SUPT3H: variants seen among roughly 807,000 people sequenced by gnomAD.
SUPT3H encodes the protein SPT3 homolog, SAGA and STAGA complex component.
In SUPT3H, 44 loss-of-function variants were observed where a neutral mutation model predicts 44.3. The observed-to-expected ratio is 0.99, with a 90% confidence interval of 0.78 to 1.28. The LOEUF (loss-of-function observed/expected upper bound fraction) is 1.28. SUPT3H is among the 50% of genes most tolerant of loss of function. SUPT3H has a pLI of 0.00. For synonymous variants in SUPT3H, 124 were observed against 125.6 expected (o/e 0.99, Z 0.09); for missense variants, 380 against 387.1 (o/e 0.98, Z 0.15).
chr6:45,265,592 T>C (rs1335833028), intron 2 of SUPT3H, among the ~76,000 whole-genome samples: 1 of 152,108 alleles, frequency 6.6e-6, no homozygotes, highest in Non-Finnish European at 1.5e-5. Flanking sequence ...TACATTAAGG[T>C]TAAAATCTAG....
intron 3 of SUPT3H, among the ~76,000 whole-genome samples, chr6:45,058,075 G>A (rs1791415072): frequency 6.6e-6 from 1 of 151,968 alleles, no homozygotes; most frequent in African/African-American, 2.4e-5. Flanking sequence ...GAAAATTATG[G>A]GGTGCTTATT....
intron 3 of SUPT3H, among the ~76,000 whole-genome samples, chr6:45,021,506 T>C (rs1350543925): frequency 2.0e-5 from 3 of 151,892 alleles, no homozygotes; most frequent in South Asian, 2.1e-4. Context: ...ACTATAAAAA[T>C]GTGTCTGTAA....
chr6:44,908,857 A>G (rs1766545264), intron 10 of SUPT3H, among the ~76,000 whole-genome samples: 1 of 152,198 alleles, frequency 6.6e-6, no homozygotes, highest in Admixed American at 6.5e-5. Context: ...ACTCTGAGCT[A>G]ATATTGTCTC....
chr6:45,262,351 A>AGAG (rs530114278), intron 2 of SUPT3H, among the ~76,000 whole-genome samples: 280 of 152,260 alleles, frequency 1.8e-3, no homozygotes, highest in South Asian at 0.013. Context: ...ACCCAGAAAT[A>AGAG]AACCCAAGCA....
intron 4 of SUPT3H, among the ~76,000 whole-genome samples, chr6:45,017,637 T>C (rs1583076524): frequency 1.3e-5 from 2 of 151,228 alleles, no homozygotes; most frequent in Admixed American, 6.6e-5. Flanking sequence ...CTCAGGTTTG[T>C]CAAAGACCAG....
At chr6:45,346,340 C>A (rs1320199230) in intron 2 of SUPT3H, among the ~76,000 whole-genome samples, 1 of 152,010 alleles carries the variant, frequency 6.6e-6, no homozygotes, top group Non-Finnish European at 1.5e-5. Flanking sequence ...TTAAAGGAGT[C>A]TACAGGGTTG....
chr6:45,352,278 G>A (rs1792230328), intron 2 of SUPT3H, among the ~76,000 whole-genome samples: 1 of 152,042 alleles, frequency 6.6e-6, no homozygotes, highest in Non-Finnish European at 1.5e-5. Flanking sequence ...TATGAACCAA[G>A]GAGTAAGCAA....
Position 45,105,926 on chromosome 6 carries a change from T to C in SUPT3H, c.182A>G (p.Asn61Ser). The C allele has an allele frequency of 6.2e-7, 1 of 1,612,356 alleles. No homozygotes were observed. ...TCAAATTATATATGCTCTTACCAGA[T>C]TAATTAACTGAGTGTGTACCACATC... ...VEDVVHTQLI[N>S]LLQQAAEVSQ... The change falls in exon 3 of 11, where the codon AAT (asparagine) becomes AGT (serine). Residue 61 changes from asparagine (N) to serine (S), a missense_variant. Transcript: ENST00000371459.
At chr6:45,179,764 T>C (rs9472448) in intron 2 of SUPT3H, among the ~76,000 whole-genome samples, 17,943 of 152,176 alleles carry the variant, frequency 0.12, 1,237 homozygotes, top group African/African-American at 0.19. Context: ...GCCAATATCA[T>C]TCTGAATGGG....
At chr6:44,842,850 T>A (rs1460609167) in intron 10 of SUPT3H, among the ~76,000 whole-genome samples, 1 of 152,100 alleles carries the variant, frequency 6.6e-6, no homozygotes, top group Admixed American at 6.5e-5. Flanking sequence ...GAATGAATCA[T>A]AATAAATGTT....
intron 2 of SUPT3H, among the ~76,000 whole-genome samples, chr6:45,362,839 C>A (rs749817036): frequency 2.8e-5 from 4 of 144,134 alleles, no homozygotes; most frequent in Non-Finnish European, 4.5e-5. Flanking sequence ...TTTATTTTTT[C>A]TCAGTTTTTT....
At chr6:44,820,419 G>C (rs12209944) in intron 11 of SUPT3H, among the ~76,000 whole-genome samples, 40,842 of 151,942 alleles carry the variant, frequency 0.27, 5,770 homozygotes, top group African/African-American at 0.3. Context: ...AGAAGTCTTG[G>C]GAAAGTCAAG....
chr6:45,355,341 T>C (rs1792949620), intron 2 of SUPT3H, among the ~76,000 whole-genome samples: 2 of 152,050 alleles, frequency 1.3e-5, no homozygotes, highest in South Asian at 2.1e-4. Context: ...ATTTTTTCCT[T>C]TTCAGAAAAT....
intron 2 of SUPT3H, among the ~76,000 whole-genome samples, chr6:45,243,096 C>A (rs577790887): frequency 7.2e-6 from 1 of 139,774 alleles, no homozygotes; most frequent in African/African-American, 2.7e-5. Flanking sequence ...CGGGAGGCTG[C>A]GGTGGGAGGA....
chr6:45,188,698 C>A (rs545165312), intron 2 of SUPT3H, among the ~76,000 whole-genome samples: 1 of 151,854 alleles, frequency 6.6e-6, no homozygotes, highest in Non-Finnish European at 1.5e-5. Context: ...TAAACTGATG[C>A]TGAAAAATCA....
chr6:45,282,516 T>C (rs999679504), intron 2 of SUPT3H, among the ~76,000 whole-genome samples: 4 of 151,762 alleles, frequency 2.6e-5, no homozygotes, highest in East Asian at 3.9e-4. Context: ...TGAAATGAAG[T>C]GAGAAGAGAA....
At chr6:44,957,624 G>A (rs1309962525) in intron 7 of SUPT3H, among the ~76,000 whole-genome samples, 1 of 151,452 alleles carries the variant, frequency 6.6e-6, no homozygotes, top group African/African-American at 2.4e-5. Context: ...TATTCAGTTG[G>A]ATCTATCCAC....
intron 2 of SUPT3H, among the ~76,000 whole-genome samples, chr6:45,139,617 C>T (rs1804845254): frequency 6.6e-6 from 1 of 152,156 alleles, no homozygotes; most frequent in South Asian, 2.1e-4. Flanking sequence ...CATATCCCCA[C>T]TGAAGAATGT....
chr6:45,355,831 T>C (rs572541080), intron 2 of SUPT3H, among the ~76,000 whole-genome samples: 14 of 152,160 alleles, frequency 9.2e-5, no homozygotes, highest in Non-Finnish European at 2.1e-4. Context: ...TGGAAAGTAA[T>C]TCCAACCAAA....
Sources: allele counts gnomAD v4.1 joint callset (sites outside exome capture counted in the v4.1 genomes callset), GRCh38; gene constraint gnomAD v4.1.1; transcripts MANE v1.5; gene names NCBI Gene and HGNC (gene_info 2026-07-23, HGNC 2026-07-21).